ROCK2: variants seen among roughly 807,000 people sequenced by gnomAD.
ROCK2 encodes the protein rho-associated protein kinase 2.
ROCK2 carries 61 observed loss-of-function variants against 195.1 expected under a neutral mutation model. The observed-to-expected ratio is 0.31, with a 90% CI of 0.25 to 0.39. ROCK2 has a LOEUF of 0.39. Among genes scored for constraint, ROCK2 ranks in the 10% least tolerant of loss-of-function variants. The pLI is 1.00. For missense variants in ROCK2, 1,109 were observed against 1,637.4 expected (o/e 0.68, Z 5.57); for synonymous variants, 504 against 545.5 (o/e 0.92, Z 1.06).
Position 11,254,727 on chromosome 2 carries a change from T to TTAAA in ROCK2, c.325-4930_325-4929insTTTA, listed in dbSNP as rs71393862. On this transcript the variant is annotated intron_variant, in intron 3 of 32. Transcript: ENST00000315872. ...TAGGCAACAGTGAGACCCTGTCTCT[T>TTAAA]AAAAAAAAAAAAAAAAAAAAAAAAA... is the stretch of plus-strand genomic sequence containing the variant. 1.0e-4 allele frequency among the ~76,000 whole-genome samples: 4 copies of TTAAA among 39,126 alleles called. 1 individual carries two copies. In the East Asian group the frequency reaches 4.4e-3, roughly 43 times the overall value. 25.7% of individuals were successfully genotyped at this position (39,126 alleles called of 152,430 possible).
intron 27 of ROCK2, among the ~76,000 whole-genome samples, chr2:11,195,753 G>A (rs920206288): frequency 6.6e-6 from 1 of 152,186 alleles, no homozygotes; most frequent in African/African-American, 2.4e-5. Context: ...GACCTCAGGT[G>A]ATCTGTCTGC....
intron 1 of ROCK2, among the ~76,000 whole-genome samples, chr2:11,335,108 T>TACACACACACACACAC (rs59721285): frequency 6.9e-6 from 1 of 145,028 alleles, no homozygotes; most frequent in African/African-American, 2.6e-5. Context: ...CTTTGACTGA[T>TACACACACACACACAC]ACACACACAC....
intron 3 of ROCK2, among the ~76,000 whole-genome samples, chr2:11,276,173 C>T (rs1218075599): frequency 6.6e-6 from 1 of 152,290 alleles, no homozygotes; most frequent in African/African-American, 2.4e-5. Context: ...GCTTGTGCCA[C>T]TTCTAGTCAA....
At chr2:11,322,191 C>CA (rs1668421010) in intron 1 of ROCK2, among the ~76,000 whole-genome samples, 1 of 151,882 alleles carries the variant, frequency 6.6e-6, no homozygotes. Context: ...TTATTTAAGC[C>CA]AAAAACAAAA....
At chr2:11,230,382 GAGTTTCAAAAT>G (rs1664960866) in intron 5 of ROCK2, among the ~76,000 whole-genome samples, 1 of 152,156 alleles carries the variant, frequency 6.6e-6, no homozygotes, top group Admixed American at 6.5e-5. Context: ...ACTTTGGACT[GAGTTTCAAAAT>G]ATGAATAAGA....
intron 3 of ROCK2, among the ~76,000 whole-genome samples, chr2:11,258,610 G>A (rs6760802): frequency 0.86 from 129,750 of 151,004 alleles, 56,659 homozygotes; most frequent in East Asian, 0.99. Context: ...CCAAGGGGAA[G>A]AAAACAAGAC....
intron 8 of ROCK2, 79 bp downstream of exon 8, chr2:11,222,004 G>T: frequency 1.2e-6 from 1 of 816,032 alleles, no homozygotes; most frequent in Non-Finnish European, 2.1e-6. Context: ...TATCAAATAT[G>T]CTTGTTATTT....
intron 4 of ROCK2, among the ~76,000 whole-genome samples, chr2:11,240,871 T>C (rs1665400827): frequency 1.3e-5 from 2 of 152,196 alleles, no homozygotes; most frequent in African/African-American, 4.8e-5. Context: ...AAATTAATTT[T>C]GAAAACTTAA....
At position 11,182,023 on chromosome 2, in the gene ROCK2, C is replaced by A. The variant is rs544940595; in HGVS notation, c.*1414G>T. 10 of 148,034 alleles carry A rather than the reference C, an allele frequency of 6.8e-5. No homozygotes were observed. Among genetic ancestry groups the A allele is most frequent in the Admixed American group, 1.3e-4 (2 of 14,846 alleles). The allele number at this position is 148,034 out of a possible 1,614,324, so 9.2% of individuals were successfully genotyped here. On this transcript the variant is annotated 3_prime_UTR_variant, in exon 33 of 33. Coordinates refer to ENST00000315872, the MANE Select transcript of ROCK2 (RefSeq NM_004850.5). ...TTCATAATATAAAAAAAAACAAAAACAAAAAAAAAACTTTACGCTTACCAT... is the reference window on the plus strand; with the variant it reads ...TTCATAATATAAAAAAAAACAAAAAAAAAAAAAAAACTTTACGCTTACCAT...
chr2:11,209,549 T>G (rs954979741), intron 18 of ROCK2, among the ~76,000 whole-genome samples: 1 of 152,226 alleles, frequency 6.6e-6, no homozygotes, highest in African/African-American at 2.4e-5. Context: ...TAATCTTTGC[T>G]TTTTTCTTTA....
intron 1 of ROCK2, among the ~76,000 whole-genome samples, chr2:11,326,052 T>C (rs957103101): frequency 2.6e-5 from 4 of 152,126 alleles, no homozygotes; most frequent in African/African-American, 9.6e-5. Context: ...AAGAATGTAG[T>C]TGTAGATATG....
chr2:11,249,893 T>C, intron 3 of ROCK2, 95 bp from the exon 4 acceptor site: 1 of 1,049,680 alleles, frequency 9.5e-7, no homozygotes, highest in Non-Finnish European at 1.3e-6. Context: ...AGACTTCAGT[T>C]ACAAAAAAAT....
rs369571499 is a variant in ROCK2 at position 11,215,457 on chromosome 2, T to A, written c.1598-45A>T. 5.2e-5 allele frequency: 83 copies of A among 1,605,220 alleles called. 1 individual carries two copies. The East Asian group carries it at 1.6e-3, about 32-fold the overall frequency. On this transcript the variant is annotated intron_variant, in intron 14 of 32. Coordinates refer to ENST00000315872, the MANE Select transcript of ROCK2 (RefSeq NM_004850.5). ...AGTGGCAAGCTTAGCATAACACACATACACACACTTAATTTTTTTCTTGAT... is the reference window on the plus strand; with the variant it reads ...AGTGGCAAGCTTAGCATAACACACAAACACACACTTAATTTTTTTCTTGAT...
chr2:11,236,098 C>T, intron 4 of ROCK2, 136 bp from the exon 5 acceptor site: 1 of 816,824 alleles, frequency 1.2e-6, no homozygotes, highest in Non-Finnish European at 1.8e-6. Context: ...TTTATGAGAT[C>T]TTTTATTTTA....
At chr2:11,244,702 G>T (rs190417247) in intron 4 of ROCK2, among the ~76,000 whole-genome samples, 5 of 152,070 alleles carry the variant, frequency 3.3e-5, no homozygotes, top group Admixed American at 2.6e-4. Context: ...TGAGGGTGCA[G>T]TGAGCCATGA....
In ROCK2 at chr2:11,192,224, G is replaced by A. The variant is rs1166645564; in HGVS notation, c.4087C>T (p.Pro1363Ser). 1 of 1,613,908 alleles carries A rather than the reference G, an allele frequency of 6.2e-7. No homozygotes were observed. The change falls in exon 32 of 33, where the codon CCT (proline) becomes TCT (serine). Residue 1363 changes from proline (P) to serine (S), a missense_variant. This residue lies in a region of ROCK2 where 221 missense variants were observed against 355.1 expected (regional missense o/e 0.62). Transcript: ENST00000315872. This position sits in a 1 kb window ranked among gnomAD's most constrained non-coding sequence, Gnocchi z 5.0. ...TGCTGTATCTTCATTGAAGTTCTAG[G>A]AGATGATCGGGCAAAAGGGTCTGGA... ...PAPDPFARSS[P>S]RTSMKIQQNQ...
chr2:11,194,908 A>C, intron 28 of ROCK2, 47 bp downstream of exon 28: 1 of 1,149,036 alleles, frequency 8.7e-7, no homozygotes, highest in East Asian at 2.4e-5. Flanking sequence ...GACTAGAGTT[A>C]AAACAAAAAC....
chr2:11,269,249 T>C (rs753967708), intron 3 of ROCK2, among the ~76,000 whole-genome samples: 35 of 152,338 alleles, frequency 2.3e-4, no homozygotes, highest in Non-Finnish European at 3.7e-4. Context: ...TGGTGGCTCA[T>C]GCCTGTAATA....
At chr2:11,219,598 C>A (rs562150680) in intron 9 of ROCK2, among the ~76,000 whole-genome samples, 3 of 152,008 alleles carry the variant, frequency 2.0e-5, no homozygotes, top group Admixed American at 6.6e-5. Flanking sequence ...TTGTTTGCAC[C>A]AGACTCACTA....
Sources: allele counts gnomAD v4.1 joint callset (sites outside exome capture counted in the v4.1 genomes callset), GRCh38; gene constraint gnomAD v4.1.1; regional missense constraint gnomAD v4.1.1; non-coding constraint Gnocchi (gnomAD v3.1); transcripts MANE v1.5; gene names NCBI Gene and HGNC (gene_info 2026-07-23, HGNC 2026-07-21).